Variants in GADD45B observed in about 807,000 individuals in gnomAD.
GADD45B encodes growth arrest and DNA damage inducible beta.
A neutral mutation model predicts 15.2 loss-of-function variants in GADD45B; 8 were observed. The observed-to-expected ratio is 0.53, with a 90% confidence interval of 0.31 to 0.95. The LOEUF is 0.95. Ranked by LOEUF, GADD45B falls within the 40% of genes least tolerant of loss-of-function variation. The pLI is 0.05. For synonymous variants in GADD45B, 100 were observed against 89.8 expected (o/e 1.11, Z -0.64); for missense variants, 162 against 216.6 (o/e 0.75, Z 1.58).
chr19:2,477,606 C>A lies in GADD45B; in HGVS notation c.*5C>A. The A allele has an allele frequency of 2.7e-6, 4 of 1,508,300 alleles. No homozygotes were observed. Among genetic ancestry groups the A allele is most frequent in the Non-Finnish European group, 3.7e-6 (4 of 1,084,196 alleles). The allele number at this position is 1,508,300 out of a possible 1,614,324, so 93.4% of individuals were successfully genotyped here. ...ATCTCTCTTCAGGAACGCTGAGGCC[C>A]TTCCCAGCAGCAGAATCTGTTGAGT... is the stretch of plus-strand genomic sequence containing the variant. On this transcript the variant is annotated 3_prime_UTR_variant, in exon 4 of 4. Coordinates refer to ENST00000215631, the MANE Select transcript of GADD45B (RefSeq NM_015675.4). This position sits in a 1 kb window ranked among gnomAD's most constrained non-coding sequence, Gnocchi z 4.2.
Position 2,477,643 on chromosome 19 carries a change from A to T in GADD45B, c.*42A>T, listed in dbSNP as rs1346309253. The T allele has an allele frequency of 4.9e-6, 5 of 1,030,574 alleles. No individual in the cohort carries two copies. The highest frequency in any genetic ancestry group is 7.6e-6 in the Non-Finnish European group (5 of 661,780). The allele number at this position is 1,030,574 out of a possible 1,614,324, so 63.8% of individuals were successfully genotyped here. A position where few individuals can be genotyped will look rare whatever the true frequency, so the allele number is the denominator to read the frequency against. ...AGAATCTGTTGAGTTGCTGCCACAA[A>T]CAAAAAATACAATAAATATTTGAAC... On this transcript the variant is annotated 3_prime_UTR_variant, in exon 4 of 4. Transcript: ENST00000215631. This position sits in a 1 kb window ranked among gnomAD's most constrained non-coding sequence, Gnocchi z 4.2.
At position 2,476,701 on chromosome 19, in the gene GADD45B, G is replaced by A; in HGVS notation, c.146+71G>A. 5.5e-6 allele frequency: 5 copies of A among 915,150 alleles called. 1 individual carries two copies. The highest frequency in any genetic ancestry group is 5.0e-6 in the Non-Finnish European group (3 of 600,780). The allele number at this position is 915,150 out of a possible 1,614,324, so 56.7% of individuals were successfully genotyped here. A position where few individuals can be genotyped will look rare whatever the true frequency, so the allele number is the denominator to read the frequency against. On this transcript the variant is annotated intron_variant, in intron 2 of 3. Transcript: ENST00000215631. ...CTCCCCTCCGCTCTGGACGCTTTCC[G>A]CACGCTTGTCTTGCATGGAGCTGGG...
At chr19:2,476,480 G>A (rs1972315330) in intron 1 of GADD45B, 49 bp from the exon 2 acceptor site, 3 of 1,596,510 alleles carry the variant, frequency 1.9e-6, no homozygotes, top group African/African-American at 2.7e-5. Context: ...GGAGCGGAAC[G>A]TAGCACCCGG....
chr19:2,476,452 T>G (rs2144694949), intron 1 of GADD45B, 50 bp downstream of exon 1: 3 of 1,572,828 alleles, frequency 1.9e-6, no homozygotes, highest in South Asian at 1.1e-5. Flanking sequence ...ACGGGATGGG[T>G]CGGGTTGGGC....
intron 1 of GADD45B, 39 bp from the exon 2 acceptor site, chr19:2,476,490 G>C: frequency 6.2e-7 from 1 of 1,600,014 alleles, no homozygotes; most frequent in South Asian, 1.1e-5. Flanking sequence ...GTAGCACCCG[G>C]TGGTCCGCCC....
rs200157147 is a variant in GADD45B at position 2,476,443 on chromosome 19, C to T, written c.44+41C>T. 4.4e-6 allele frequency: 7 copies of T among 1,575,456 alleles called. No homozygotes were observed. The East Asian group carries it at 1.6e-4, about 35-fold the overall frequency. On this transcript the variant is annotated intron_variant, in intron 1 of 3. Coordinates refer to ENST00000215631, the MANE Select transcript of GADD45B (RefSeq NM_015675.4). ...TGCCGCCGCCTGAGGTCAGCCGGGA[C>T]GGGATGGGTCGGGTTGGGCCGGGCC...
intron 2 of GADD45B, 180 bp downstream of exon 2, chr19:2,476,810 C>T: frequency 6.6e-6 from 4 of 609,172 alleles, no homozygotes; most frequent in South Asian, 5.9e-5. Flanking sequence ...GATGTATCGT[C>T]TGCAAACACC....
rs183424495 is a variant in GADD45B, at chr19:2,477,466, C to T, written c.370-22C>T. The T allele has an allele frequency of 2.6e-4, 404 of 1,527,776 alleles. 1 individual carries two copies. In the African/African-American group the frequency reaches 5.1e-3, roughly 19 times the overall value. 94.6% of individuals were successfully genotyped at this position (1,527,776 alleles called of 1,614,324 possible). ...CCCGGGAGAGGGAGGCTCCACTAAA[C>T]CCCTTCTTTTCCCTCCTACAGAACC... On this transcript the variant is annotated intron_variant, in intron 3 of 3. Transcript: ENST00000215631. The surrounding 1 kb of genome is among the most constrained non-coding windows in gnomAD (Gnocchi z 4.2).
intron 2 of GADD45B, 162 bp from the exon 3 acceptor site, chr19:2,476,867 G>A: frequency 1.6e-6 from 1 of 616,226 alleles, no homozygotes; most frequent in African/African-American, 1.9e-5. Context: ...TTTGAACCGT[G>A]TGCCCTCCCC....
At position 2,477,602 on chromosome 19, in the gene GADD45B, G is replaced by A; in HGVS notation, c.*1G>A. 6.5e-7 allele frequency: 1 copy of A among 1,543,618 alleles called. No homozygotes were observed. Among genetic ancestry groups the A allele is most frequent in the Non-Finnish European group, 9.0e-7 (1 of 1,116,290 alleles). On this transcript the variant is annotated 3_prime_UTR_variant, in exon 4 of 4. Transcript: ENST00000215631. The surrounding 1 kb of genome is among the most constrained non-coding windows in gnomAD (Gnocchi z 4.2). Reference sequence around the variant, plus strand: ...CTACATCTCTCTTCAGGAACGCTGAGGCCCTTCCCAGCAGCAGAATCTGTT... The same window carrying A: ...CTACATCTCTCTTCAGGAACGCTGAAGCCCTTCCCAGCAGCAGAATCTGTT...
intron 2 of GADD45B, 134 bp from the exon 3 acceptor site, chr19:2,476,895 G>T: frequency 1.6e-6 from 1 of 623,200 alleles, no homozygotes; most frequent in East Asian, 2.8e-5. Context: ...ACCGTCACCA[G>T]CTTGCAGAGG....
In GADD45B at chr19:2,477,859, GACC is replaced by G. The variant is rs374110651; in HGVS notation, c.*259_*261del. ...GGGGACCCAGGCCAGCAGGAGACAG[GACC>G]CCCGAAGCTGAGGCCTTGGGATGGA... On this transcript the variant is annotated 3_prime_UTR_variant, in exon 4 of 4. Coordinates refer to ENST00000215631, the MANE Select transcript of GADD45B (RefSeq NM_015675.4). This position sits in a 1 kb window ranked among gnomAD's most constrained non-coding sequence, Gnocchi z 4.2. The G allele has an allele frequency of 2.6e-4, 87 of 338,740 alleles. No individual in the cohort carries two copies. Among genetic ancestry groups the G allele is most frequent in the African/African-American group, 1.7e-3 (82 of 47,366 alleles). 21.0% of individuals were successfully genotyped at this position (338,740 alleles called of 1,614,324 possible).
Position 2,477,726 on chromosome 19 carries a change from G to T in GADD45B, c.*125G>T. On this transcript the variant is annotated 3_prime_UTR_variant, in exon 4 of 4. Transcript: ENST00000215631. The surrounding 1 kb of genome is among the most constrained non-coding windows in gnomAD (Gnocchi z 4.2). ...ACCCAACCCACGAGGACCATCGGGG[G>T]CAGAGTCGTTGGAGACTGAAGAGGA... The T allele has an allele frequency of 1.8e-6, 1 of 569,048 alleles. No individual in the cohort carries two copies. The highest frequency in any genetic ancestry group is 3.1e-5 in the East Asian group (1 of 32,102). 35.2% of individuals were successfully genotyped at this position (569,048 alleles called of 1,614,324 possible).
At chr19:2,476,828 C>T (rs1008139855) in intron 2 of GADD45B, 198 bp downstream of exon 2, 7 of 607,938 alleles carry the variant, frequency 1.2e-5, no homozygotes, top group African/African-American at 1.9e-5. Context: ...ACCCCTCCCG[C>T]CGTGGGCCTG....
chr19:2,476,845 C>G, intron 2 of GADD45B, 184 bp from the exon 3 acceptor site: 1 of 611,996 alleles, frequency 1.6e-6, no homozygotes, highest in Admixed American at 2.9e-5. Context: ...CCTGTCTCCC[C>G]CTACCCCATA....
Position 2,477,520 on chromosome 19 carries a change from C to T in GADD45B, c.402C>T (p.Gly134=). 1 of 1,613,642 alleles carries T rather than the reference C, an allele frequency of 6.2e-7. No homozygotes were observed. Residue 134 remains glycine, a synonymous_variant, in exon 4 of 4, where the codon GGC becomes GGT. Coordinates refer to ENST00000215631, the MANE Select transcript of GADD45B (RefSeq NM_015675.4). The surrounding 1 kb of genome is among the most constrained non-coding windows in gnomAD (Gnocchi z 4.2). ...NPHTDAWKSH[G]LVEVASYCEE... The stretch of plus-strand genomic sequence containing the variant: ...ACACGGACGCCTGGAAGAGCCACGG[C>T]TTGGTGGAGGTGGCCAGCTACTGCG...
chr19:2,476,215 T>G lies in GADD45B; in HGVS notation c.-144T>G. Reference sequence around the variant, plus strand: ...CTTTGCAATATATTTTTCCGCCTTTTCTGGAAGGATTTCGCTGCTTCCCGA... The same window carrying G: ...CTTTGCAATATATTTTTCCGCCTTTGCTGGAAGGATTTCGCTGCTTCCCGA... On this transcript the variant is annotated 5_prime_UTR_variant, in exon 1 of 4. Coordinates refer to ENST00000215631, the MANE Select transcript of GADD45B (RefSeq NM_015675.4). The G allele has an allele frequency of 1.3e-6, 1 of 794,246 alleles. No individual in the cohort carries two copies. Among genetic ancestry groups the G allele is most frequent in the South Asian group, 1.4e-5 (1 of 69,062 alleles). The allele number at this position is 794,246 out of a possible 1,614,324, so 49.2% of individuals were successfully genotyped here.
chr19:2,476,690 G>A (rs1972320409), intron 2 of GADD45B, 60 bp downstream of exon 2: 1 of 1,013,186 alleles, frequency 9.9e-7, no homozygotes, highest in Non-Finnish European at 1.5e-6. Context: ...CCTCCGCTCT[G>A]GACGCTTTCC....
In GADD45B at chr19:2,477,439, G is replaced by GCGC; in HGVS notation, c.370-48_370-47insGCC. ...GCCTGACTGTTTTCCCCACACAGGG[G>GCGC]CCCCGGGAGAGGGAGGCTCCACTAA... On this transcript the variant is annotated intron_variant, in intron 3 of 3. Transcript: ENST00000215631. The surrounding 1 kb of genome is among the most constrained non-coding windows in gnomAD (Gnocchi z 4.2). 3 of 1,332,610 alleles carry GCGC rather than the reference G, an allele frequency of 2.3e-6. No individual in the cohort carries two copies. Among genetic ancestry groups the GCGC allele is most frequent in the Non-Finnish European group, 3.2e-6 (3 of 936,428 alleles). 82.5% of individuals were successfully genotyped at this position (1,332,610 alleles called of 1,614,324 possible).
Sources: gnomAD v4.1 joint callset for allele counts on GRCh38, gnomAD v4.1.1 for gene constraint, Gnocchi (gnomAD v3.1) non-coding constraint, MANE v1.5 for transcripts, NCBI Gene and HGNC (gene_info 2026-07-23, HGNC 2026-07-21) for gene names.